The following NIN variants were observed in gnomAD, a reference collection of about 807,000 sequenced individuals.
NIN encodes ninein.
Under a neutral mutation model 257.6 loss-of-function variants are expected in NIN, and 137 were observed. The ratio of observed to expected loss-of-function variants is 0.53; its 90% CI spans 0.46 to 0.61. NIN has a LOEUF of 0.61. NIN is among the 20% of genes least tolerant of loss of function. The pLI is 0.00. For missense variants in NIN, 2,439 were observed against 2,501.2 expected, an observed-to-expected ratio of 0.98 and a Z score of 0.53; for synonymous variants, 918 against 919.8, an observed-to-expected ratio of 1.00 and a Z score of 0.04.
intron 20 of NIN, 27 bp from the exon 21 acceptor site, chr14:50,752,760 A>C (rs746339323): frequency 1.4e-6 from 2 of 1,395,680 alleles, no homozygotes. Context: ...TAAGTTTTTC[A>C]AACTTGTTAC....
At chr14:50,748,799 G>T (rs1267363824) in intron 21 of NIN, among the ~76,000 whole-genome samples, 1 of 152,084 alleles carries the variant, frequency 6.6e-6, no homozygotes, top group Admixed American at 6.5e-5. Flanking sequence ...CACTGCTCAA[G>T]GAAATAAGAG....
intron 27 of NIN, among the ~76,000 whole-genome samples, chr14:50,737,442 G>A (rs137989022): frequency 8.3e-6 from 1 of 120,012 alleles, no homozygotes; most frequent in Non-Finnish European, 1.6e-5. Context: ...AGCTGCTTCT[G>A]AAATCCTGAC....
chr14:50,727,468 C>G, intron 29 of NIN: 1 of 1,184,152 alleles, frequency 8.4e-7, no homozygotes, highest in Non-Finnish European at 1.1e-6. Context: ...TTGTAACAAG[C>G]TGATGTTTGT....
rs1595771743 is a variant in NIN at position 50,752,872 on chromosome 14, A to C, written c.4735-139T>G. ...TATATATATATTTCAAAACAGAAATAATACACACTCATTATTACAAATTCA... is the reference window on the plus strand; with the variant it reads ...TATATATATATTTCAAAACAGAAATCATACACACTCATTATTACAAATTCA... On this transcript the variant is annotated intron_variant, in intron 20 of 30. Transcript: ENST00000530997. The C allele has an allele frequency of 9.6e-6, 5 of 519,080 alleles. No individual in the cohort carries two copies. The East Asian group carries it at 1.6e-4, about 17-fold the overall frequency. 32.2% of individuals were successfully genotyped at this position (519,080 alleles called of 1,614,324 possible). A position where few individuals can be genotyped will look rare whatever the true frequency, so the allele number is the denominator to read the frequency against.
In NIN at chr14:50,806,836, T is replaced by A. The variant is rs754277806; in HGVS notation, c.184-18A>T. 4 of 1,278,672 alleles carry A rather than the reference T, an allele frequency of 3.1e-6. No individual in the cohort carries two copies. In the South Asian group the frequency reaches 5.0e-5, roughly 16 times the overall value. 79.2% of individuals were successfully genotyped at this position (1,278,672 alleles called of 1,614,324 possible). A position where few individuals can be genotyped will look rare whatever the true frequency, so the allele number is the denominator to read the frequency against. On this transcript the variant is annotated intron_variant, in intron 3 of 30. Coordinates refer to ENST00000530997, the MANE Select transcript of NIN (RefSeq NM_020921.4). The stretch of plus-strand genomic sequence containing the variant: ...AAATGTACCTAAAAAAAATTAAAAA[T>A]AGATTTAAAGTAATTTCCACAGCTC...
At position 50,743,469 on chromosome 14, in the gene NIN, A is replaced by G; in HGVS notation, c.5248T>C (p.Trp1750Arg). Residue 1750 changes from tryptophan (W) to arginine (R), a missense_variant, in exon 24 of 31, where the codon TGG becomes CGG. Coordinates refer to ENST00000530997, the MANE Select transcript of NIN (RefSeq NM_020921.4). ...TTTAAGCTCGCACTCTGATGTTCCC[A>G]GGATTTCTGTTCCTGCTTCATCGTC... is the stretch of plus-strand genomic sequence containing the variant. ...IATMKQEQKS[W>R]EHQSASLKSQ... 6.2e-7 allele frequency: 1 copy of G among 1,613,972 alleles called. No individual in the cohort carries two copies. The highest frequency in any genetic ancestry group is 8.5e-7 in the Non-Finnish European group (1 of 1,179,818).
At chr14:50,794,160 C>G (rs1238683852) in intron 4 of NIN, among the ~76,000 whole-genome samples, 1 of 152,194 alleles carries the variant, frequency 6.6e-6, no homozygotes, top group Admixed American at 6.5e-5. Context: ...GGAGGACTGG[C>G]GACCCTCTTT....
rs542902873 is a variant in NIN, at chr14:50,786,750, C to G, written c.435+5962G>C. Among the ~76,000 whole-genome samples the G allele has an allele frequency of 7.1e-4, 108 of 152,192 alleles. 2 individuals carry two copies. The highest frequency in any genetic ancestry group is 6.4e-3 in the South Asian group (31 of 4,824). On this transcript the variant is annotated intron_variant, in intron 5 of 30. Transcript: ENST00000530997. Reference sequence around the variant, plus strand: ...AACAGAAAATTTAACAAGGGAGTAACAGGAAAATAGGTGCATTTCAGCTAC... The same window carrying G: ...AACAGAAAATTTAACAAGGGAGTAAGAGGAAAATAGGTGCATTTCAGCTAC...
At chr14:50,827,033 A>T (rs1282322842) in intron 2 of NIN, among the ~76,000 whole-genome samples, 1 of 152,204 alleles carries the variant, frequency 6.6e-6, no homozygotes, top group Non-Finnish European at 1.5e-5. Context: ...CTCTCCATTT[A>T]TGCCTTTAGC....
At chr14:50,725,299 G>A (rs1444649109) in intron 30 of NIN, among the ~76,000 whole-genome samples, 1 of 152,068 alleles carries the variant, frequency 6.6e-6, no homozygotes, top group Non-Finnish European at 1.5e-5. Flanking sequence ...CCAGAGGGTA[G>A]TACTTTCTGC....
intron 15 of NIN, 130 bp from the exon 16 acceptor site, chr14:50,762,041 A>T: frequency 2.2e-6 from 2 of 925,688 alleles, no homozygotes; most frequent in Non-Finnish European, 3.3e-6. Flanking sequence ...GTGAACTAAT[A>T]GGAAATAACA....
intron 20 of NIN, 49 bp from the exon 21 acceptor site, chr14:50,752,782 T>TAAAAAAAAAAA: frequency 1.4e-6 from 1 of 695,548 alleles, no homozygotes; most frequent in Non-Finnish European, 2.2e-6. Flanking sequence ...CTACTTGTGC[T>TAAAAAAAAAAA]AAAAAAAAAA....
intron 5 of NIN, among the ~76,000 whole-genome samples, chr14:50,781,303 G>T (rs570922588): frequency 6.6e-6 from 1 of 152,218 alleles, no homozygotes; most frequent in South Asian, 2.1e-4. Context: ...GAAATGGCAG[G>T]AGAATATGTT....
In NIN at chr14:50,763,807, C is replaced by A. The variant is rs1201235472; in HGVS notation, c.1774+19G>T. 1 of 1,610,816 alleles carries A rather than the reference C, an allele frequency of 6.2e-7. No homozygotes were observed. Among genetic ancestry groups the A allele is most frequent in the African/African-American group, 1.3e-5 (1 of 74,862 alleles). ...ACAAGAGTAAAGGCTTTATCTACAGCCTGTCCGAATGTGTTTACCGTGTTC... is the reference window on the plus strand; with the variant it reads ...ACAAGAGTAAAGGCTTTATCTACAGACTGTCCGAATGTGTTTACCGTGTTC... On this transcript the variant is annotated intron_variant, in intron 15 of 30. Transcript: ENST00000530997.
chr14:50,822,344 G>A lies in NIN; in HGVS notation c.-21-267C>T, dbSNP rs141400864. Among the ~76,000 whole-genome samples, 53 of 152,286 alleles carry A rather than the reference G, an allele frequency of 3.5e-4. No homozygotes were observed. The East Asian group carries it at 5.6e-3, about 16-fold the overall frequency. ...AAAATTACCAGAATGAGAGGGTCAC[G>A]TACAGTAGAAGACACCCTCCTCTCT... On this transcript the variant is annotated intron_variant, in intron 2 of 30. Transcript: ENST00000530997.
chr14:50,768,857 C>G (rs2042611136), intron 12 of NIN, among the ~76,000 whole-genome samples: 1 of 152,184 alleles, frequency 6.6e-6, no homozygotes, highest in Admixed American at 6.5e-5. Context: ...ATGATGAATT[C>G]TGAACCTAAT....
chr14:50,754,937 T>A, intron 18 of NIN, 70 bp from the exon 19 acceptor site: 1 of 1,101,558 alleles, frequency 9.1e-7, no homozygotes, highest in Non-Finnish European at 1.3e-6. Flanking sequence ...TATTTTCTAG[T>A]AACTTCCAAA....
At chr14:50,771,633 A>G (rs968048307) in intron 9 of NIN, among the ~76,000 whole-genome samples, 165 bp from the exon 10 acceptor site, 3 of 152,128 alleles carry the variant, frequency 2.0e-5, no homozygotes, top group African/African-American at 7.2e-5. Flanking sequence ...AGTCTAGAAC[A>G]CAGTTAAGTT....
chr14:50,818,545 C>T (rs966313991), intron 3 of NIN, among the ~76,000 whole-genome samples: 1 of 152,064 alleles, frequency 6.6e-6, no homozygotes, highest in African/African-American at 2.4e-5. Flanking sequence ...ATGTATATTA[C>T]CCGACTAGAT....
Sources: gnomAD v4.1 joint callset for allele counts (sites outside exome capture counted in the v4.1 genomes callset) on GRCh38, gnomAD v4.1.1 for gene constraint, MANE v1.5 for transcripts, NCBI Gene and HGNC (gene_info 2026-07-23, HGNC 2026-07-21) for gene names.